SYNPR: variants seen among roughly 807,000 people sequenced by gnomAD.
The protein encoded by SYNPR is synaptoporin.
Under a neutral mutation model 32.9 loss-of-function variants are expected in SYNPR, and 23 were observed. That is an observed-to-expected ratio of 0.70 (90% CI 0.50 to 0.99). The LOEUF (loss-of-function observed/expected upper bound fraction) is 0.99. Ranked by LOEUF, SYNPR falls within the 50% of genes least tolerant of loss-of-function variation. SYNPR has a pLI of 0.00. For synonymous variants in SYNPR, 146 were observed against 135.9 expected (o/e 1.07, Z -0.52); for missense variants, 318 against 349.3 (o/e 0.91, Z 0.71).
intron 2 of SYNPR, among the ~76,000 whole-genome samples, chr3:63,294,465 A>G (rs1378872401): frequency 6.6e-6 from 1 of 152,176 alleles, no homozygotes; most frequent in Non-Finnish European, 1.5e-5. Context: ...AAATATTTTA[A>G]TGAACAGAAC....
intron 2 of SYNPR, among the ~76,000 whole-genome samples, chr3:63,422,550 C>T (rs1438291212): frequency 4.6e-5 from 7 of 151,834 alleles, no homozygotes; most frequent in Admixed American, 6.6e-5. Flanking sequence ...CAAATTGTAC[C>T]CTTTAAATAT....
In SYNPR at chr3:63,557,747, T is replaced by C. The variant is rs866731396; in HGVS notation, c.408+1006T>C. ...ATGGTATTGCTATAACAAAACTCCA[T>C]TTGTTTTCATTTATGCAAGCAAGCT... On this transcript the variant is annotated intron_variant, in intron 4 of 5. Transcript: ENST00000478300. 2.0e-5 allele frequency among the ~76,000 whole-genome samples: 3 copies of C among 152,332 alleles called. No individual in the cohort carries two copies. In the South Asian group the frequency reaches 6.2e-4, roughly 32 times the overall value.
chr3:63,405,776 ATGGATT>A (rs1240479562), intron 2 of SYNPR, among the ~76,000 whole-genome samples: 2 of 152,176 alleles, frequency 1.3e-5, no homozygotes, highest in African/African-American at 4.8e-5. Context: ...AAGAGCATAA[ATGGATT>A]TGAAAAGAAC....
rs538227176 is a variant in SYNPR, at chr3:63,469,321, T to C, written c.85-11511T>C. On this transcript the variant is annotated intron_variant, in intron 2 of 5. Transcript: ENST00000478300. ...TCATTCCAGCATATCCGATGCATGC[T>C]ATTTAACTACAGAACAGTAGCTGTG... Among the ~76,000 whole-genome samples the C allele has an allele frequency of 1.6e-3, 247 of 152,276 alleles. 1 individual carries two copies. Among genetic ancestry groups the C allele is most frequent in the African/African-American group, 5.6e-3 (231 of 41,554 alleles).
chr3:63,391,090 T>C (rs1225588203), intron 2 of SYNPR, among the ~76,000 whole-genome samples: 1 of 152,244 alleles, frequency 6.6e-6, no homozygotes, highest in Non-Finnish European at 1.5e-5. Context: ...TAATAATCTT[T>C]GGCCTGTTTA....
chr3:63,447,288 T>C (rs1382342461), intron 2 of SYNPR, among the ~76,000 whole-genome samples: 2 of 152,222 alleles, frequency 1.3e-5, no homozygotes, highest in South Asian at 2.1e-4. Context: ...AGCTAGAAGA[T>C]GCTGCTTTCT....
intron 2 of SYNPR, among the ~76,000 whole-genome samples, chr3:63,296,585 G>T (rs1412208308): frequency 2.0e-5 from 3 of 152,152 alleles, no homozygotes; most frequent in Non-Finnish European, 4.4e-5. Context: ...TAAACATCTA[G>T]GAAGCATAAA....
chr3:63,217,735 G>T, the SYNPR span, among the ~76,000 whole-genome samples: 1 of 152,102 alleles, frequency 6.6e-6, no homozygotes, highest in Non-Finnish European at 1.5e-5. Context: ...TCTTTAGTTG[G>T]GGATTTATGA....
At chr3:63,268,029 T>C (rs2086504913) in intron 3 of SYNPR, among the ~76,000 whole-genome samples, 1 of 152,228 alleles carries the variant, frequency 6.6e-6, no homozygotes, top group Non-Finnish European at 1.5e-5. Flanking sequence ...TCCAGTCACT[T>C]GAATATTCAT....
chr3:63,556,394 G>C, intron 3 of SYNPR, 149 bp from the exon 4 acceptor site: 1 of 606,786 alleles, frequency 1.6e-6, no homozygotes, highest in Non-Finnish European at 2.8e-6. Flanking sequence ...TAGCTATAAT[G>C]TCTGTAAATT....
At chr3:63,557,998 T>C (rs140909332) in intron 4 of SYNPR, among the ~76,000 whole-genome samples, 1 of 152,356 alleles carries the variant, frequency 6.6e-6, no homozygotes, top group African/African-American at 2.4e-5. Flanking sequence ...GATGAGTTAA[T>C]GTCTTTCTTG....
At chr3:63,344,796 G>A (rs1351709034) in intron 2 of SYNPR, among the ~76,000 whole-genome samples, 4 of 152,086 alleles carry the variant, frequency 2.6e-5, no homozygotes, top group Admixed American at 6.5e-5. Flanking sequence ...GAGCTCCGAG[G>A]CTAGGGCTTT....
chr3:63,351,805 T>A (rs2087514233), intron 2 of SYNPR, among the ~76,000 whole-genome samples: 1 of 152,170 alleles, frequency 6.6e-6, no homozygotes, highest in African/African-American at 2.4e-5. Flanking sequence ...ATAAAGCCCA[T>A]TCTTCCTGTC....
chr3:63,604,336 C>A (rs1181446585), intron 4 of SYNPR, among the ~76,000 whole-genome samples: 3 of 152,046 alleles, frequency 2.0e-5, no homozygotes, highest in African/African-American at 7.2e-5. Context: ...TTTCACATCC[C>A]ATTTCCTTCA....
At chr3:63,476,133 G>A (rs535542979) in intron 2 of SYNPR, among the ~76,000 whole-genome samples, 51 of 39,142 alleles carry the variant, frequency 1.3e-3, no homozygotes, top group Middle Eastern at 0.016. Flanking sequence ...AAGGAAGGAA[G>A]GAAGGAAGGA....
chr3:63,331,672 A>C (rs1437826562), intron 2 of SYNPR, among the ~76,000 whole-genome samples: 1 of 152,102 alleles, frequency 6.6e-6, no homozygotes, highest in Non-Finnish European at 1.5e-5. Flanking sequence ...AAAATTATTT[A>C]CAGGATGTGA....
At chr3:63,530,829 T>C (rs904521749) in intron 3 of SYNPR, among the ~76,000 whole-genome samples, 1 of 152,116 alleles carries the variant, frequency 6.6e-6, no homozygotes, top group Non-Finnish European at 1.5e-5. Context: ...AAACTAGACA[T>C]GTAGTCAGCT....
intron 2 of SYNPR, among the ~76,000 whole-genome samples, chr3:63,403,159 C>A (rs2088314468): frequency 6.6e-6 from 1 of 152,266 alleles, no homozygotes; most frequent in South Asian, 2.1e-4. Context: ...TATTTTCTTG[C>A]ATCTTGTCTT....
chr3:63,426,535 G>T (rs1010422229), intron 2 of SYNPR, among the ~76,000 whole-genome samples: 1 of 152,180 alleles, frequency 6.6e-6, no homozygotes, highest in Non-Finnish European at 1.5e-5. Context: ...ATGCAGGCAC[G>T]TATAGGGTGG....
Sources: allele counts gnomAD v4.1 joint callset (sites outside exome capture counted in the v4.1 genomes callset), GRCh38; gene constraint gnomAD v4.1.1; transcripts MANE v1.5; gene names NCBI Gene and HGNC (gene_info 2026-07-23, HGNC 2026-07-21).